Variants in TUSC3 observed in about 807,000 individuals in gnomAD.
TUSC3 encodes dolichyl-diphosphooligosaccharide--protein glycosyltransferase subunit TUSC3.
In TUSC3, 45 loss-of-function variants were observed where a neutral mutation model predicts 44.8. The observed-to-expected ratio is 1.00, with a 90% CI of 0.79 to 1.29. The LOEUF (loss-of-function observed/expected upper bound fraction) is 1.29. Ranked by LOEUF, TUSC3 falls within the 50% of genes most tolerant of loss-of-function variation. The pLI, the probability that TUSC3 is intolerant of heterozygous loss-of-function variation, is 0.00. For missense variants in TUSC3, 519 were observed against 437.9 expected (o/e 1.19, Z -1.65); for synonymous variants, 212 against 152.9 (o/e 1.39, Z -2.85).
intron 3 of TUSC3, among the ~76,000 whole-genome samples, chr8:15,653,823 G>C (rs541821953): frequency 1.3e-5 from 2 of 152,138 alleles, no homozygotes; most frequent in Non-Finnish European, 2.9e-5. Flanking sequence ...TACTGTCTCT[G>C]AATTGATGTT....
chr8:15,485,381 G>C (rs6530873), intron 2 of TUSC3, among the ~76,000 whole-genome samples: 143,725 of 152,062 alleles, frequency 0.95, 68,023 homozygotes, highest in Admixed American at 0.97. Context: ...TTTTGATCAC[G>C]TGTTTTTGTA....
At chr8:15,681,423 T>G (rs1345836508) in intron 6 of TUSC3, among the ~76,000 whole-genome samples, 1 of 152,020 alleles carries the variant, frequency 6.6e-6, no homozygotes, top group Non-Finnish European at 1.5e-5. Context: ...TTCCAGGAAT[T>G]CATCCATTTA....
At chr8:15,560,517 A>G (rs866347660) in intron 1 of TUSC3, among the ~76,000 whole-genome samples, 3,558 of 150,526 alleles carry the variant, frequency 0.024, 154 homozygotes, top group African/African-American at 0.081. Context: ...TCTTTGTGGC[A>G]TTCTCTGTGT....
chr8:15,775,132 T>TA, the TUSC3 span, among the ~76,000 whole-genome samples: 1 of 152,088 alleles, frequency 6.6e-6, no homozygotes, highest in Non-Finnish European at 1.5e-5. Context: ...TATTTACCCA[T>TA]AAAAAAGTTA....
the TUSC3 span, among the ~76,000 whole-genome samples, chr8:15,838,264 G>C: frequency 3.3e-5 from 5 of 152,066 alleles, no homozygotes; most frequent in Non-Finnish European, 7.3e-5. Context: ...GCATTTATGG[G>C]GATATTCACC....
chr8:15,565,647 G>A (rs1802638982), intron 1 of TUSC3, among the ~76,000 whole-genome samples: 1 of 152,056 alleles, frequency 6.6e-6, no homozygotes, highest in Admixed American at 6.6e-5. Context: ...CTTCCCCAGT[G>A]GTGTTTTAAG....
intron 7 of TUSC3, among the ~76,000 whole-genome samples, chr8:15,739,041 C>T (rs1046655554): frequency 6.6e-6 from 1 of 151,664 alleles, no homozygotes; most frequent in Non-Finnish European, 1.5e-5. Flanking sequence ...CCATATTGGC[C>T]AGGCTGGTCT....
chr8:15,789,320 C>G, the TUSC3 span, among the ~76,000 whole-genome samples: 1 of 152,154 alleles, frequency 6.6e-6, no homozygotes, highest in East Asian at 1.9e-4. Context: ...CAAGAGCAGC[C>G]AAGCCTCCAG....
chr8:15,571,241 G>A lies in TUSC3; in HGVS notation c.138+30673G>A, dbSNP rs765422206. Among the ~76,000 whole-genome samples the A allele has an allele frequency of 4.0e-5, 6 of 151,796 alleles. 1 individual carries two copies. Among genetic ancestry groups the A allele is most frequent in the African/African-American group, 7.3e-5 (3 of 41,344 alleles). Reference sequence around the variant, plus strand: ...AGTGTTGGGATTACAGGCGTGAGCCGCTGCTACCCACCGCTATTAATTTTT... The same window carrying A: ...AGTGTTGGGATTACAGGCGTGAGCCACTGCTACCCACCGCTATTAATTTTT... On this transcript the variant is annotated intron_variant, in intron 1 of 10. Transcript: ENST00000503731.
intron 1 of TUSC3, among the ~76,000 whole-genome samples, chr8:15,612,876 A>G (rs1804821050): frequency 6.6e-6 from 1 of 151,684 alleles, no homozygotes; most frequent in Non-Finnish European, 1.5e-5. Flanking sequence ...CCGATCACCC[A>G]CTCTTCACTG....
At chr8:15,579,323 C>A (rs1370592957) in intron 1 of TUSC3, among the ~76,000 whole-genome samples, 34 of 138,076 alleles carry the variant, frequency 2.5e-4, no homozygotes, top group African/African-American at 8.9e-4. Flanking sequence ...TCCTTCAGTT[C>A]TGCTCTGATT....
intron 5 of TUSC3, among the ~76,000 whole-genome samples, chr8:15,662,830 G>C (rs74972389): frequency 0.023 from 3,424 of 152,012 alleles, 123 homozygotes; most frequent in African/African-American, 0.076. Context: ...AGTATTACAG[G>C]AATGCACAGG....
intron 6 of TUSC3, among the ~76,000 whole-genome samples, chr8:15,697,095 C>T (rs1032291351): frequency 6.6e-6 from 1 of 152,104 alleles, no homozygotes; most frequent in Non-Finnish European, 1.5e-5. Context: ...CTTGAATGAT[C>T]TTTTGTATTT....
At chr8:15,499,263 A>C (rs376157315) in intron 2 of TUSC3, among the ~76,000 whole-genome samples, 1 of 152,120 alleles carries the variant, frequency 6.6e-6, no homozygotes, top group Non-Finnish European at 1.5e-5. Context: ...TTGCATTTCT[A>C]TGTTTTCCTT....
chr8:15,829,097 T>A, the TUSC3 span, among the ~76,000 whole-genome samples: 2 of 152,176 alleles, frequency 1.3e-5, no homozygotes, highest in African/African-American at 4.8e-5. Context: ...TCTCTTTTTC[T>A]TTTTTCATAT....
intron 1 of TUSC3, among the ~76,000 whole-genome samples, chr8:15,473,556 C>A (rs572444607): frequency 6.6e-6 from 1 of 152,128 alleles, no homozygotes; most frequent in Non-Finnish European, 1.5e-5. Flanking sequence ...CCATAAGTGT[C>A]GGCTGGCTGA....
rs570206974 is a variant in TUSC3, at chr8:15,739,680, G to C, written c.863-3858G>C. Among the ~76,000 whole-genome samples the C allele has an allele frequency of 5.9e-5, 9 of 152,276 alleles. No individual in the cohort carries two copies. The South Asian group carries it at 1.9e-3, about 32-fold the overall frequency. On this transcript the variant is annotated intron_variant, in intron 7 of 10. Transcript: ENST00000503731. ...AAATCTGGAATATGTTTATGGAGTA[G>C]TAAAATGTATTTGAATGCTCTGTGC...
chr8:15,625,229 C>A (rs1197491661), intron 2 of TUSC3, among the ~76,000 whole-genome samples: 1 of 151,858 alleles, frequency 6.6e-6, no homozygotes, highest in Non-Finnish European at 1.5e-5. Context: ...TTATGTGTTG[C>A]TGGATTCAGT....
intron 6 of TUSC3, among the ~76,000 whole-genome samples, chr8:15,680,546 T>C (rs537271352): frequency 1.3e-5 from 2 of 152,180 alleles, no homozygotes; most frequent in African/African-American, 4.8e-5. Flanking sequence ...AGAGATACTT[T>C]GACTTATTCT....
Sources: gnomAD v4.1 joint callset for allele counts (sites outside exome capture counted in the v4.1 genomes callset) on GRCh38, gnomAD v4.1.1 for gene constraint, MANE v1.5 for transcripts, NCBI Gene and HGNC (gene_info 2026-07-23, HGNC 2026-07-21) for gene names.